The following FAM135B variants were observed in gnomAD, a reference collection of about 807,000 sequenced individuals.
FAM135B encodes family with sequence similarity 135 member B, also known as protein FAM135B.
In FAM135B, 43 loss-of-function variants were observed where a neutral mutation model predicts 127.7. The ratio of observed to expected loss-of-function variants is 0.34; its 90% CI spans 0.26 to 0.43. The LOEUF is 0.43. Ranked by LOEUF, FAM135B falls within the 20% of genes least tolerant of loss-of-function variation. FAM135B has a pLI of 1.00. For missense variants in FAM135B, 1,558 were observed against 1,725.6 expected, an observed-to-expected ratio of 0.90 and a Z score of 1.72; for synonymous variants, 670 against 665.1, an observed-to-expected ratio of 1.01 and a Z score of -0.11.
At chr8:138,175,755 T>A (rs1301610527) in intron 11 of FAM135B, among the ~76,000 whole-genome samples, 1 of 152,240 alleles carries the variant, frequency 6.6e-6, no homozygotes. Flanking sequence ...GTTCTTATCT[T>A]GCTTTTTTCT....
chr8:138,433,523 C>CAATAAATAAATA lies in FAM135B; in HGVS notation c.-20+63136_-20+63147dup, dbSNP rs144218276. ...TGGATGACAGAGCAAGATTCTGTCT[C>CAATAAATAAATA]AATAAATAAATAAATAAATAAATAA... On this transcript the variant is annotated intron_variant, in intron 1 of 19. Coordinates refer to ENST00000395297, the MANE Select transcript of FAM135B (RefSeq NM_015912.4). 5.8e-3 allele frequency among the ~76,000 whole-genome samples: 822 copies of CAATAAATAAATA among 140,722 alleles called. 5 individuals are homozygous for CAATAAATAAATA. The highest frequency in any genetic ancestry group is 8.2e-3 in the African/African-American group (313 of 38,088). 92.3% of individuals were successfully genotyped at this position (140,722 alleles called of 152,430 possible). A position where few individuals can be genotyped will look rare whatever the true frequency, so the allele number is the denominator to read the frequency against.
At chr8:138,344,573 C>CTTTTTTTTTTT in intron 2 of FAM135B, among the ~76,000 whole-genome samples, 1 of 113,614 alleles carries the variant, frequency 8.8e-6, no homozygotes, top group Non-Finnish European at 1.8e-5. Context: ...CACTTTCTTT[C>CTTTTTTTTTTT]TTTCTTTTTT....
At chr8:138,411,458 T>G (rs971798038) in intron 1 of FAM135B, among the ~76,000 whole-genome samples, 30 of 152,124 alleles carry the variant, frequency 2.0e-4, no homozygotes, top group African/African-American at 6.5e-4. Context: ...ACTGGATCCC[T>G]TCCTTACACC....
chr8:138,386,228 A>C (rs1014501725), intron 1 of FAM135B, among the ~76,000 whole-genome samples: 11 of 151,882 alleles, frequency 7.2e-5, no homozygotes, highest in African/African-American at 2.4e-4. Context: ...AAAAAACAAA[A>C]AAAAAAACAA....
Position 138,148,675 on chromosome 8 carries a change from G to T in FAM135B, c.3293C>A (p.Ala1098Asp), listed in dbSNP as rs1229177203. 1 of 1,603,660 alleles carries T rather than the reference G, an allele frequency of 6.2e-7. No homozygotes were observed. The highest frequency in any genetic ancestry group is 1.3e-5 in the African/African-American group (1 of 74,218). ...CAGTTCTTTTTTAAATTTTTCTTTGGCCTGATAAAAACTGGAGAATACACT... is the reference window on the plus strand; with the variant it reads ...CAGTTCTTTTTTAAATTTTTCTTTGTCCTGATAAAAACTGGAGAATACACT... The part of the protein sequence containing the change: ...VSERMFSFYQ[A>D]KEKFKKELKI... Residue 1098 changes from alanine to aspartate, a missense_variant, in exon 14 of 20, where the codon GCC becomes GAC. Physicochemically the swap from Ala to Asp is moderately radical, Grantham distance 126. Around this residue, in one of 5 missense-constraint regions of FAM135B, gnomAD observed 923 missense variants for 865.3 expected, o/e 1.07. Coordinates refer to ENST00000395297, the MANE Select transcript of FAM135B (RefSeq NM_015912.4).
At chr8:138,423,919 G>T (rs1423362922) in intron 1 of FAM135B, among the ~76,000 whole-genome samples, 1 of 152,170 alleles carries the variant, frequency 6.6e-6, no homozygotes, top group Non-Finnish European at 1.5e-5. Context: ...GTTCCTTGCT[G>T]AGAAAAAGAA....
chr8:138,130,220 T>A lies in FAM135B; in HGVS notation c.*2373A>T, dbSNP rs1420980795. 6.7e-6 allele frequency: 1 copy of A among 149,790 alleles called. No homozygotes were observed. The highest frequency in any genetic ancestry group is 1.5e-5 in the Non-Finnish European group (1 of 67,564). The allele number at this position is 149,790 out of a possible 1,614,324, so 9.3% of individuals were successfully genotyped here. A position where few individuals can be genotyped will look rare whatever the true frequency, so the allele number is the denominator to read the frequency against. ...TATATTTATATATATTTTATGTATA[T>A]ATATTTATATATTCGATATCTATAT... On this transcript the variant is annotated 3_prime_UTR_variant, in exon 20 of 20. Transcript: ENST00000395297.
chr8:138,458,839 C>T (rs1418091132), intron 1 of FAM135B, among the ~76,000 whole-genome samples: 4 of 152,156 alleles, frequency 2.6e-5, no homozygotes, highest in Non-Finnish European at 5.9e-5. Flanking sequence ...GTAGAAGTTA[C>T]GCTGAATTCA....
intron 13 of FAM135B, among the ~76,000 whole-genome samples, chr8:138,150,688 A>G (rs943146405): frequency 6.6e-5 from 10 of 151,648 alleles, no homozygotes; most frequent in Admixed American, 5.9e-4. Flanking sequence ...AAATAAATAA[A>G]TAAATAAATA....
chr8:138,425,498 C>T (rs1373274260), intron 1 of FAM135B: 1 of 151,942 alleles, frequency 6.6e-6, no homozygotes, highest in Non-Finnish European at 1.5e-5. Context: ...TAAAACTGTC[C>T]AGAGAGAAAG....
intron 1 of FAM135B, among the ~76,000 whole-genome samples, chr8:138,382,313 T>A (rs1831906974): frequency 6.6e-6 from 1 of 152,190 alleles, no homozygotes; most frequent in South Asian, 2.1e-4. Context: ...GGGTAATCCG[T>A]CTTCCCTGTG....
rs1053755780 is a variant in FAM135B at position 138,265,789 on chromosome 8, C to T, written c.211G>A (p.Val71Ile). 2 of 1,614,076 alleles carry T rather than the reference C, an allele frequency of 1.2e-6. No homozygotes were observed. The highest frequency in any genetic ancestry group is 3.3e-5 in the Admixed American group (2 of 60,020). ...CVHDSTVHSR[V>I]FQILYRNEEV... The stretch of plus-strand genomic sequence containing the variant: ...TCATTCCGGTATAAGATCTGAAAGA[C>T]CCGGCTGTGCACGGTGCTGTCATGG... The change falls in exon 4 of 20, where the codon GTC becomes ATC. Residue 71 changes from valine to isoleucine, a missense_variant. By Grantham distance (29) the Val-to-Ile change is conservative. Around this residue, in one of 5 missense-constraint regions of FAM135B, gnomAD observed 199 missense variants for 245.7 expected, o/e 0.81. Coordinates refer to ENST00000395297, the MANE Select transcript of FAM135B (RefSeq NM_015912.4).
intron 12 of FAM135B, among the ~76,000 whole-genome samples, chr8:138,156,004 C>T (rs1818698846): frequency 6.6e-6 from 1 of 152,202 alleles, no homozygotes; most frequent in African/African-American, 2.4e-5. Context: ...TTCTTCTCAG[C>T]ACTACATCAC....
rs550257484 is a variant in FAM135B at position 138,253,787 on chromosome 8, C to T, written c.369-2773G>A. Among the ~76,000 whole-genome samples, 21 of 152,258 alleles carry T rather than the reference C, an allele frequency of 1.4e-4. 1 individual carries two copies. In the South Asian group the frequency reaches 3.7e-3, roughly 27 times the overall value. On this transcript the variant is annotated intron_variant, in intron 5 of 19. Transcript: ENST00000395297. ...GAGGCTCTGCTTCTCCATTTTGTTC[C>T]CACCCAGACTTACCTGATGCTAAAG...
chr8:138,211,420 A>G (rs570102660), intron 7 of FAM135B, among the ~76,000 whole-genome samples: 28 of 152,222 alleles, frequency 1.8e-4, no homozygotes, highest in Non-Finnish European at 3.7e-4. Context: ...AAAATCATTT[A>G]TCAACATTAA....
chr8:138,342,222 A>T (rs1347327442), intron 2 of FAM135B, among the ~76,000 whole-genome samples: 1 of 152,230 alleles, frequency 6.6e-6, no homozygotes, highest in African/African-American at 2.4e-5. Context: ...AGTGAGACAG[A>T]ACCATGATTC....
intron 14 of FAM135B, among the ~76,000 whole-genome samples, chr8:138,147,855 T>C (rs945643975): frequency 2.0e-5 from 3 of 152,228 alleles, no homozygotes. Context: ...CATTTTACTT[T>C]AGTGTCATAT....
chr8:138,160,454 T>C (rs529416816), intron 12 of FAM135B, among the ~76,000 whole-genome samples: 6 of 152,160 alleles, frequency 3.9e-5, no homozygotes, highest in African/African-American at 1.4e-4. Flanking sequence ...AGTGTCTCCA[T>C]CTTGACTCAC....
chr8:138,344,349 C>T (rs910758810), intron 2 of FAM135B, among the ~76,000 whole-genome samples: 18 of 152,272 alleles, frequency 1.2e-4, no homozygotes, highest in African/African-American at 2.2e-4. Flanking sequence ...CGTAACCCGG[C>T]GCCAGCTCGC....
Sources: gnomAD v4.1 joint callset for allele counts (sites outside exome capture counted in the v4.1 genomes callset) on GRCh38, gnomAD v4.1.1 for gene constraint, gnomAD v4.1.1 regional missense constraint, MANE v1.5 for transcripts, NCBI Gene and HGNC (gene_info 2026-07-23, HGNC 2026-07-21) for gene names.